The following CFAP92 variants were observed in gnomAD, a reference collection of about 807,000 sequenced individuals.
CFAP92 encodes the protein uncharacterized protein CFAP92.
Under a neutral mutation model 106.3 loss-of-function variants are expected in CFAP92, and 86 were observed. The observed-to-expected ratio is 0.81, with a 90% CI of 0.68 to 0.97. CFAP92 has a LOEUF of 0.97. CFAP92 is among the 50% of genes least tolerant of loss of function. The pLI, the probability that CFAP92 is intolerant of heterozygous loss-of-function variation, is 0.00. For synonymous variants in CFAP92, 477 were observed against 506.4 expected (o/e 0.94, Z 0.78); for missense variants, 1,204 against 1,283.8 (o/e 0.94, Z 0.95).
intron 4 of CFAP92, among the ~76,000 whole-genome samples, chr3:128,986,890 G>A (rs1481730005): frequency 1.3e-5 from 2 of 152,214 alleles, no homozygotes; most frequent in Non-Finnish European, 2.9e-5. Context: ...GCTGGGCACA[G>A]TAGCTCACAC....
intron 4 of CFAP92, among the ~76,000 whole-genome samples, chr3:128,982,889 G>A (rs376648397): frequency 1.6e-4 from 24 of 152,266 alleles, no homozygotes; most frequent in African/African-American, 4.1e-4. Flanking sequence ...CATGCAGTTC[G>A]TGGCACCTCC....
intron 12 of CFAP92, among the ~76,000 whole-genome samples, chr3:128,930,690 G>A (rs1218429362): frequency 7.2e-5 from 11 of 152,104 alleles, no homozygotes; most frequent in East Asian, 5.9e-4. Flanking sequence ...GGCAGATACC[G>A]CAGTGAGCCG....
intron 12 of CFAP92, among the ~76,000 whole-genome samples, chr3:128,920,705 T>A (rs888094189): frequency 1.3e-5 from 2 of 152,050 alleles, no homozygotes; most frequent in African/African-American, 4.8e-5. Context: ...CAAGCTCTGT[T>A]CCAAAGGGTG....
intron 1 of CFAP92, chr3:129,002,553 A>G (rs1944842425): frequency 1.2e-6 from 1 of 820,432 alleles, no homozygotes; most frequent in Non-Finnish European, 1.7e-6. Context: ...GAAAACCCCA[A>G]TCACACTCAA....
At chr3:129,025,057 G>A in the CFAP92 span, among the ~76,000 whole-genome samples, 1 of 152,136 alleles carries the variant, frequency 6.6e-6, no homozygotes, top group African/African-American at 2.4e-5. Context: ...TGGCATGAGA[G>A]GCTGTGAGAA....
intron 9 of CFAP92, among the ~76,000 whole-genome samples, chr3:128,957,923 C>T (rs560290809): frequency 6.6e-6 from 1 of 152,308 alleles, no homozygotes; most frequent in East Asian, 1.9e-4. Flanking sequence ...CACATTTCCT[C>T]AGAAGGTGCT....
chr3:128,963,823 A>G (rs1023238709), intron 9 of CFAP92, among the ~76,000 whole-genome samples: 4 of 150,114 alleles, frequency 2.7e-5, no homozygotes, highest in African/African-American at 7.4e-5. Context: ...TCCATCTGCT[A>G]TTCTACTACT....
Position 128,945,242 on chromosome 3 carries a change from C to T in CFAP92, c.2087G>A (p.Arg696Lys), listed in dbSNP as rs2107728502. 6.5e-7 allele frequency: 1 copy of T among 1,536,154 alleles called. No homozygotes were observed. Among genetic ancestry groups the T allele is most frequent in the East Asian group, 2.4e-5 (1 of 40,912 alleles). ...KALGLDSYPV[R>K]TLQQILSAFK... ...GGCTGACAGGATCTGCTGCAGGGTC[C>T]TGACAGGGTAGGAGTCCAGGCCGAG... Residue 696 changes from arginine (R) to lysine (K), a missense_variant, in exon 10 of 16, where the codon AGG (arginine) becomes AAG (lysine). Physicochemically the swap from Arg to Lys is conservative, Grantham distance 26 (BLOSUM62 2). Coordinates refer to ENST00000645291, the MANE Select transcript of CFAP92 (RefSeq NM_001394090.1).
chr3:129,014,374 A>G, the CFAP92 span, among the ~76,000 whole-genome samples: 1 of 152,348 alleles, frequency 6.6e-6, no homozygotes, highest in Admixed American at 6.5e-5. This position sits in a 1 kb window ranked among gnomAD's most constrained non-coding sequence, Gnocchi z 4.3. Flanking sequence ...GAGGCTGACC[A>G]GAGTGCGGTG....
At chr3:129,016,155 C>T in the CFAP92 span, among the ~76,000 whole-genome samples, 4 of 152,166 alleles carry the variant, frequency 2.6e-5, no homozygotes, top group South Asian at 2.1e-4. Flanking sequence ...ATGCCTTGAC[C>T]GCTCCCTTGG....
chr3:128,930,886 A>G (rs181834007), intron 12 of CFAP92, among the ~76,000 whole-genome samples: 75 of 152,274 alleles, frequency 4.9e-4, no homozygotes, highest in African/African-American at 1.8e-3. Context: ...AAATACTCTC[A>G]ACATTGTTTG....
chr3:128,917,209 A>G (rs1936891048), intron 12 of CFAP92, among the ~76,000 whole-genome samples: 2 of 152,186 alleles, frequency 1.3e-5, no homozygotes, highest in Non-Finnish European at 2.9e-5. Flanking sequence ...CATGGCCCAC[A>G]TGGAACTTCA....
At chr3:129,002,464 A>G in intron 1 of CFAP92, 2 of 1,378,172 alleles carry the variant, frequency 1.5e-6, no homozygotes, top group Non-Finnish European at 9.3e-7. Flanking sequence ...ACTCCGCATC[A>G]GCACACTTGC....
chr3:128,979,947 A>AATAATATATATATATATAT (rs1553758976), intron 4 of CFAP92, among the ~76,000 whole-genome samples: 1 of 128,306 alleles, frequency 7.8e-6, no homozygotes, highest in African/African-American at 3.0e-5. Context: ...AAAGTATAAT[A>AATAATATATATATATATAT]ATATATATAT....
At chr3:128,957,924 A>C (rs527733313) in intron 9 of CFAP92, among the ~76,000 whole-genome samples, 4 of 152,304 alleles carry the variant, frequency 2.6e-5, no homozygotes, top group African/African-American at 9.6e-5. Flanking sequence ...ACATTTCCTC[A>C]GAAGGTGCTC....
chr3:128,911,206 G>C (rs191074422), intron 15 of CFAP92, among the ~76,000 whole-genome samples: 1 of 151,856 alleles, frequency 6.6e-6, no homozygotes, highest in Non-Finnish European at 1.5e-5. Context: ...ACAGGCGCAC[G>C]CCACCACGCC....
chr3:128,929,894 C>T (rs1938146840), intron 12 of CFAP92, among the ~76,000 whole-genome samples: 1 of 152,088 alleles, frequency 6.6e-6, no homozygotes, highest in Admixed American at 6.5e-5. Context: ...TTTATATATA[C>T]TTACAATAGG....
chr3:128,946,145 GA>G (rs1404496917), intron 9 of CFAP92, among the ~76,000 whole-genome samples, 170 bp from the exon 10 acceptor site: 1 of 152,128 alleles, frequency 6.6e-6, no homozygotes, highest in African/African-American at 2.4e-5. Flanking sequence ...TCATTACTAG[GA>G]CTGCAGACAT....
At chr3:128,972,972 C>T (rs926619552) in intron 7 of CFAP92, among the ~76,000 whole-genome samples, 2 of 151,948 alleles carry the variant, frequency 1.3e-5, no homozygotes. Context: ...GGACTACAGG[C>T]GTGCACCAGC....
Sources: gnomAD v4.1 joint callset for allele counts (sites outside exome capture counted in the v4.1 genomes callset) on GRCh38, gnomAD v4.1.1 for gene constraint, Gnocchi (gnomAD v3.1) non-coding constraint, MANE v1.5 for transcripts, NCBI Gene and HGNC (gene_info 2026-07-23, HGNC 2026-07-21) for gene names.